NRXN3: variants seen among roughly 807,000 people sequenced by gnomAD.
NRXN3 encodes the protein neurexin 3, also known as neurexin III.
NRXN3 carries 32 observed loss-of-function variants against 137.6 expected under a neutral mutation model. The ratio of observed to expected loss-of-function variants is 0.23; its 90% confidence interval spans 0.18 to 0.31. The LOEUF (loss-of-function observed/expected upper bound fraction) is 0.31. Ranked by LOEUF, NRXN3 falls within the 10% of genes least tolerant of loss-of-function variation. The probability of loss-of-function intolerance (pLI) is 1.00; values close to 1 mark genes in which losing one functional copy is unlikely to be tolerated. For missense variants in NRXN3, 1,574 were observed against 2,062.5 expected (o/e 0.76, Z 4.59); for synonymous variants, 798 against 784.5 (o/e 1.02, Z -0.29).
intron 4 of NRXN3, among the ~76,000 whole-genome samples, chr14:78,335,778 C>G (rs1417017220): frequency 6.6e-6 from 1 of 152,086 alleles, no homozygotes; most frequent in African/African-American, 2.4e-5. Flanking sequence ...CCGAAGCACT[C>G]TCTGCATGAA....
chr14:78,783,027 G>A (rs1202976491), intron 8 of NRXN3, among the ~76,000 whole-genome samples: 2 of 152,190 alleles, frequency 1.3e-5, no homozygotes, highest in African/African-American at 4.8e-5. Context: ...ACTGATGGAT[G>A]CTAAAATTAG....
At chr14:78,944,141 T>C (rs1404076355) in intron 10 of NRXN3, among the ~76,000 whole-genome samples, 1 of 152,180 alleles carries the variant, frequency 6.6e-6, no homozygotes, top group Non-Finnish European at 1.5e-5. Flanking sequence ...TGGAGTCTGA[T>C]GCAGTTCTTC....
intron 5 of NRXN3, 106 bp from the exon 6 acceptor site, chr14:78,651,059 G>T (rs2097737158): frequency 2.8e-6 from 3 of 1,084,448 alleles, no homozygotes; most frequent in Admixed American, 5.0e-5. Context: ...TATATCTCAT[G>T]AAAATCTTAA....
chr14:79,595,958 AATCTAAAGACAGCCGGTTTTCCTG>A (rs1219390714), intron 16 of NRXN3, among the ~76,000 whole-genome samples: 1 of 152,174 alleles, frequency 6.6e-6, no homozygotes, highest in Admixed American at 6.5e-5. Context: ...TATTTATGAA[AATCTAAAGACAGCCGGTTTTCCTG>A]ATGGTTCATG....
rs1056903956 is a variant in NRXN3 at position 79,493,911 on chromosome 14, C to T, written c.3444+26509C>T. 5.3e-5 allele frequency among the ~76,000 whole-genome samples: 8 copies of T among 152,156 alleles called. No homozygotes were observed. In the South Asian group the frequency reaches 8.3e-4, roughly 16 times the overall value. On this transcript the variant is annotated intron_variant, in intron 16 of 20. Transcript: ENST00000335750. ...TGAATGACAAAGGCTGTCACAGTAG[C>T]GACCAATTTGTTCCAATTTGCTTAC...
chr14:78,448,691 A>G (rs569423104), intron 4 of NRXN3, among the ~76,000 whole-genome samples: 12 of 152,338 alleles, frequency 7.9e-5, no homozygotes, highest in African/African-American at 2.9e-4. Flanking sequence ...ATGGTCTGGC[A>G]GCTTTGCTCC....
intron 17 of NRXN3, among the ~76,000 whole-genome samples, chr14:79,671,169 T>G (rs1021426554): frequency 1.1e-4 from 16 of 152,150 alleles, no homozygotes; most frequent in African/African-American, 3.9e-4. Context: ...TTATTCCCAT[T>G]TTTTTAGATT....
chr14:79,315,791 C>T (rs777841289), intron 15 of NRXN3, among the ~76,000 whole-genome samples: 27 of 152,082 alleles, frequency 1.8e-4, no homozygotes, highest in Non-Finnish European at 3.7e-4. Context: ...CTAGCCAGAA[C>T]GAGCTACAAT....
chr14:79,692,857 G>T (rs901432429), intron 18 of NRXN3, among the ~76,000 whole-genome samples: 3 of 151,940 alleles, frequency 2.0e-5, no homozygotes, highest in Non-Finnish European at 4.4e-5. Context: ...TTTTCTAAGA[G>T]ATTAAGGTTG....
chr14:79,808,031 G>C (rs1031246577), intron 20 of NRXN3, among the ~76,000 whole-genome samples: 1 of 151,834 alleles, frequency 6.6e-6, no homozygotes, highest in Non-Finnish European at 1.5e-5. Flanking sequence ...CTCCTCAGAA[G>C]TTCAAGACCA....
intron 10 of NRXN3, among the ~76,000 whole-genome samples, chr14:78,943,623 T>C (rs2653533): frequency 3.5e-4 from 5 of 14,146 alleles, no homozygotes; most frequent in African/African-American, 1.3e-3. Context: ...AAAAAAAAAA[T>C]ATATATATAT....
chr14:78,738,725 T>C (rs894202361), intron 8 of NRXN3, among the ~76,000 whole-genome samples: 11 of 152,198 alleles, frequency 7.2e-5, no homozygotes, highest in African/African-American at 2.7e-4. Flanking sequence ...TTGTCTTTTG[T>C]TTTATCTATT....
chr14:78,182,960 C>T (rs1408495792), intron 1 of NRXN3, among the ~76,000 whole-genome samples: 2 of 152,150 alleles, frequency 1.3e-5, no homozygotes, highest in African/African-American at 4.8e-5. Context: ...TGCGATGGCA[C>T]AGTTCCCAGG....
At chr14:79,398,046 G>A (rs939516430) in intron 15 of NRXN3, among the ~76,000 whole-genome samples, 3 of 152,294 alleles carry the variant, frequency 2.0e-5, no homozygotes, top group African/African-American at 4.8e-5. Context: ...TGCTCCAGCT[G>A]CATTCATCAG....
chr14:79,554,812 A>G (rs2097412411), intron 16 of NRXN3, among the ~76,000 whole-genome samples: 1 of 152,198 alleles, frequency 6.6e-6, no homozygotes, highest in Non-Finnish European at 1.5e-5. Context: ...CTGAGAAAGT[A>G]AGATATATTC....
At chr14:79,480,621 G>A (rs936677338) in intron 16 of NRXN3, among the ~76,000 whole-genome samples, 1 of 152,126 alleles carries the variant, frequency 6.6e-6, no homozygotes, top group Non-Finnish European at 1.5e-5. Flanking sequence ...GTAACCTAAT[G>A]TTATGGCTTG....
At chr14:79,626,140 TA>T (rs952857853) in intron 16 of NRXN3, among the ~76,000 whole-genome samples, 7 of 152,338 alleles carry the variant, frequency 4.6e-5, no homozygotes, top group African/African-American at 1.7e-4. Flanking sequence ...AGTAGTTACA[TA>T]AATAGTGATT....
In NRXN3 at chr14:78,954,767, GTTT is replaced by G. The variant is rs531410595; in HGVS notation, c.2276-2454_2276-2452del. ...GGCGTGAGCCACTGCACCTGGCCTGGTTTTTTTTTTTTTTTTTTTTTTTACATT... is the reference window on the plus strand; with the variant it reads ...GGCGTGAGCCACTGCACCTGGCCTGGTTTTTTTTTTTTTTTTTTTTACATT... On this transcript the variant is annotated intron_variant, in intron 10 of 20. Transcript: ENST00000335750. Among the ~76,000 whole-genome samples the G allele has an allele frequency of 8.0e-3, 1,037 of 130,360 alleles. 8 individuals carry two copies. The highest frequency in any genetic ancestry group is 0.028 in the African/African-American group (978 of 35,394). The allele number at this position is 130,360 out of a possible 152,430, so 85.5% of individuals were successfully genotyped here.
chr14:78,606,315 A>G (rs908826019), intron 4 of NRXN3, among the ~76,000 whole-genome samples: 2 of 152,014 alleles, frequency 1.3e-5, no homozygotes, highest in African/African-American at 4.8e-5. Flanking sequence ...CTCATCTGAC[A>G]TTTTTTTTAG....
Sources: gnomAD v4.1 joint callset for allele counts (sites outside exome capture counted in the v4.1 genomes callset) on GRCh38, gnomAD v4.1.1 for gene constraint, MANE v1.5 for transcripts, NCBI Gene and HGNC (gene_info 2026-07-23, HGNC 2026-07-21) for gene names.